Variants in GUCY2C observed in about 807,000 individuals in gnomAD.
GUCY2C encodes the protein guanylate cyclase 2C.
GUCY2C carries 118 observed loss-of-function variants against 131.1 expected under a neutral mutation model. That is an observed-to-expected ratio of 0.90 (90% confidence interval 0.78 to 1.05). GUCY2C has a LOEUF of 1.05. Ranked by LOEUF, GUCY2C falls within the 50% of genes least tolerant of loss-of-function variation. GUCY2C has a pLI of 0.00. For synonymous variants in GUCY2C, 452 were observed against 457.8 expected (o/e 0.99, Z 0.16); for missense variants, 1,161 against 1,304.4 (o/e 0.89, Z 1.69).
intron 19 of GUCY2C, among the ~76,000 whole-genome samples, chr12:14,631,628 C>G (rs2137001399): frequency 6.7e-6 from 1 of 148,836 alleles, no homozygotes; most frequent in East Asian, 2.0e-4. Flanking sequence ...TCCAGTCTAT[C>G]ATTGTTGGAC....
chr12:14,688,192 C>T lies in GUCY2C; in HGVS notation c.218-129G>A, dbSNP rs76507201. 0.08 allele frequency: 50,126 copies of T among 628,904 alleles called. 2,170 individuals are homozygous for T. Among genetic ancestry groups the T allele is most frequent in the African/African-American group, 0.11 (5,919 of 54,694 alleles). The allele number at this position is 628,904 out of a possible 1,614,324, so 39.0% of individuals were successfully genotyped here. The stretch of plus-strand genomic sequence containing the variant: ...GCCTAGGAATATTTACATCCTGAGC[C>T]CTTGTTTTACTCCTGGTCACTTTTT... On this transcript the variant is annotated intron_variant, in intron 1 of 26. Transcript: ENST00000261170.
At chr12:14,649,090 T>C (rs914407030) in intron 15 of GUCY2C, among the ~76,000 whole-genome samples, 2 of 152,144 alleles carry the variant, frequency 1.3e-5, no homozygotes, top group Non-Finnish European at 2.9e-5. Flanking sequence ...CACAGCTTCA[T>C]TTCATGTGGG....
At chr12:14,684,092 A>G (rs1204946718) in intron 3 of GUCY2C, among the ~76,000 whole-genome samples, 1 of 152,106 alleles carries the variant, frequency 6.6e-6, no homozygotes, top group Non-Finnish European at 1.5e-5. Context: ...ACTGTGGTCA[A>G]TCATTCTTCT....
intron 1 of GUCY2C, among the ~76,000 whole-genome samples, chr12:14,694,490 G>A (rs541341503): frequency 1.8e-4 from 28 of 152,308 alleles, no homozygotes; most frequent in African/African-American, 6.3e-4. Context: ...AAGAAACCAA[G>A]GCTCAGGGAG....
intron 12 of GUCY2C, 70 bp downstream of exon 12, chr12:14,656,442 A>G: frequency 1.3e-6 from 1 of 761,810 alleles, no homozygotes. Context: ...CATATCCTGC[A>G]ATGCTACTTA....
At chr12:14,688,424 T>G (rs28553278) in intron 1 of GUCY2C, among the ~76,000 whole-genome samples, 21,046 of 152,212 alleles carry the variant, frequency 0.14, 1,715 homozygotes, top group Admixed American at 0.25. Flanking sequence ...CACTGACCTC[T>G]TCATCTTTTC....
chr12:14,619,388 A>G (rs755422996), intron 23 of GUCY2C, 79 bp from the exon 24 acceptor site: 22 of 849,356 alleles, frequency 2.6e-5, no homozygotes, highest in Non-Finnish European at 4.3e-5. Flanking sequence ...GCCTCTCTGT[A>G]TGGTCACAAT....
At chr12:14,639,396 G>A (rs187870269) in intron 19 of GUCY2C, among the ~76,000 whole-genome samples, 19 of 152,064 alleles carry the variant, frequency 1.2e-4, no homozygotes, top group Admixed American at 5.2e-4. Context: ...CGGAGAATGC[G>A]GTAGGCTGAG....
chr12:14,648,275 A>C (rs1947567422), intron 15 of GUCY2C, among the ~76,000 whole-genome samples: 1 of 143,524 alleles, frequency 7.0e-6, no homozygotes, highest in South Asian at 2.1e-4. Context: ...TTTAAATTAA[A>C]AAAAAAAAAA....
chr12:14,645,730 T>C (rs34931529), intron 15 of GUCY2C, among the ~76,000 whole-genome samples: 18,485 of 152,154 alleles, frequency 0.12, 1,622 homozygotes, highest in South Asian at 0.33. Context: ...TTATATAAAT[T>C]AGCTTAATTG....
chr12:14,674,929 G>T (rs1204295329), intron 7 of GUCY2C, among the ~76,000 whole-genome samples, 169 bp from the exon 8 acceptor site: 4 of 152,006 alleles, frequency 2.6e-5, no homozygotes. Context: ...TTCCTTGGAG[G>T]CCGGGTGAGG....
At chr12:14,634,054 A>T (rs1172249535) in intron 19 of GUCY2C, among the ~76,000 whole-genome samples, 1 of 152,194 alleles carries the variant, frequency 6.6e-6, no homozygotes, top group Non-Finnish European at 1.5e-5. Context: ...CCCCAAATAC[A>T]TATAATTAAA....
intron 10 of GUCY2C, chr12:14,666,053 G>C (rs1947972730): frequency 6.6e-6 from 1 of 152,362 alleles, no homozygotes; most frequent in African/African-American, 2.4e-5. Flanking sequence ...GCTTGTGGTG[G>C]GAAGCAGTAG....
At chr12:14,627,977 T>C (rs941729839) in intron 20 of GUCY2C, among the ~76,000 whole-genome samples, 1 of 152,188 alleles carries the variant, frequency 6.6e-6, no homozygotes, top group Non-Finnish European at 1.5e-5. Flanking sequence ...AGAATCATCT[T>C]GTTCAATCCA....
intron 15 of GUCY2C, among the ~76,000 whole-genome samples, chr12:14,648,583 C>T (rs560508475): frequency 7.9e-5 from 12 of 152,300 alleles, no homozygotes; most frequent in African/African-American, 2.6e-4. Flanking sequence ...TTATGTAATC[C>T]TCTTTGTTTT....
chr12:14,628,019 A>G (rs1947059425), intron 20 of GUCY2C, among the ~76,000 whole-genome samples: 1 of 152,200 alleles, frequency 6.6e-6, no homozygotes. Context: ...ATACCCAGTG[A>G]GGGTAAGTGT....
rs1398355681 is a variant in GUCY2C at position 14,696,403 on chromosome 12, GGAAGAGCAGT to G, written c.36_45del (p.Leu13SerfsTer11). The G allele has an allele frequency of 3.7e-6, 6 of 1,614,078 alleles. No homozygotes were observed. In the East Asian group the frequency reaches 1.3e-4, roughly 36 times the overall value. ...GAACTAAAGGACAGCCACCCGGGCT[GGAAGAGCAGT>G]GACCACAAAGCCAAGTCCAACAGCA... On this transcript the variant is annotated frameshift_variant, in exon 1 of 27. Transcript: ENST00000261170. LOFTEE classifies it high-confidence loss of function.
intron 5 of GUCY2C, among the ~76,000 whole-genome samples, 186 bp from the exon 6 acceptor site, chr12:14,679,939 A>T (rs1189718722): frequency 6.6e-6 from 1 of 152,000 alleles, no homozygotes; most frequent in Non-Finnish European, 1.5e-5. Flanking sequence ...AATAGAGCTG[A>T]ATGGGATCTT....
intron 24 of GUCY2C, among the ~76,000 whole-genome samples, chr12:14,618,278 CA>C (rs1382558423): frequency 6.6e-6 from 1 of 152,084 alleles, no homozygotes; most frequent in Non-Finnish European, 1.5e-5. Context: ...TTTGGGGGAC[CA>C]AGGCAGGAGA....
Sources: gnomAD v4.1 joint callset for allele counts (sites outside exome capture counted in the v4.1 genomes callset) on GRCh38, gnomAD v4.1.1 for gene constraint, MANE v1.5 for transcripts, NCBI Gene and HGNC (gene_info 2026-07-23, HGNC 2026-07-21) for gene names.